Variants in NTM observed in about 807,000 individuals in gnomAD.
The protein encoded by NTM is IgLON family member 2.
A neutral mutation model predicts 42.1 loss-of-function variants in NTM; 13 were observed. That is an observed-to-expected ratio of 0.31 (90% CI 0.20 to 0.49). The LOEUF (loss-of-function observed/expected upper bound fraction) is 0.49. Ranked by LOEUF, NTM falls within the 20% of genes least tolerant of loss-of-function variation. The pLI is 0.99. For synonymous variants in NTM, 187 were observed against 179.2 expected, an observed-to-expected ratio of 1.04 and a Z score of -0.35; for missense variants, 373 against 452.8, an observed-to-expected ratio of 0.82 and a Z score of 1.60.
At chr11:132,231,405 C>T (rs925861345) in intron 4 of NTM, among the ~76,000 whole-genome samples, 2 of 152,152 alleles carry the variant, frequency 1.3e-5, no homozygotes, top group African/African-American at 2.4e-5. Context: ...CATTTAATAG[C>T]GATAGCGAAT....
chr11:131,719,227 CTTG>C (rs2078065105), intron 1 of NTM, among the ~76,000 whole-genome samples: 1 of 152,116 alleles, frequency 6.6e-6, no homozygotes, highest in South Asian at 2.1e-4. Context: ...TTTTGTCTCT[CTTG>C]TTGTTCCTAA....
intron 8 of NTM, among the ~76,000 whole-genome samples, chr11:132,332,939 CAGGG>C (rs1313350873): frequency 1.3e-5 from 2 of 152,096 alleles, no homozygotes; most frequent in Non-Finnish European, 2.9e-5. Context: ...TTCTTAGTCA[CAGGG>C]AGGGAGCGGG....
At chr11:132,177,149 T>C (rs186948637) in intron 3 of NTM, among the ~76,000 whole-genome samples, 10 of 152,308 alleles carry the variant, frequency 6.6e-5, no homozygotes, top group African/African-American at 2.4e-4. Context: ...GTGAAGGTGA[T>C]TATCAGCATT....
chr11:132,004,040 C>A (rs1194120838), intron 2 of NTM, among the ~76,000 whole-genome samples: 2 of 152,098 alleles, frequency 1.3e-5, no homozygotes, highest in Non-Finnish European at 2.9e-5. Flanking sequence ...CCCAGTCAGA[C>A]TAAAGGCTGC....
At chr11:132,319,437 A>G (rs766441050) in intron 7 of NTM, among the ~76,000 whole-genome samples, 3 of 152,210 alleles carry the variant, frequency 2.0e-5, no homozygotes, top group Non-Finnish European at 2.9e-5. Context: ...GTGCTTTTCC[A>G]ACGGGCTTAA....
At chr11:131,818,105 G>A (rs1261915559) in intron 1 of NTM, among the ~76,000 whole-genome samples, 3 of 152,104 alleles carry the variant, frequency 2.0e-5, no homozygotes, top group Non-Finnish European at 4.4e-5. Flanking sequence ...AGTCTGGGAG[G>A]GACAATAGAC....
intron 2 of NTM, among the ~76,000 whole-genome samples, chr11:132,036,869 G>T (rs77529426): frequency 6.6e-6 from 1 of 152,120 alleles, no homozygotes; most frequent in African/African-American, 2.4e-5. Flanking sequence ...TGGACTGAAG[G>T]GCCATGTGTC....
rs1256001454 is a variant in NTM at position 131,784,898 on chromosome 11, A to G, written c.83-126666A>G. ...TCATCAGTGATAACCTAATAAAAAT[A>G]TTTTTATATATTTTTATTGCTCATG... On this transcript the variant is annotated intron_variant, in intron 1 of 8. Coordinates refer to ENST00000683400, the MANE Select transcript of NTM (RefSeq NM_001352005.2). 2.0e-5 allele frequency among the ~76,000 whole-genome samples: 3 copies of G among 152,138 alleles called. No homozygotes were observed. The East Asian group carries it at 5.8e-4, about 29-fold the overall frequency.
At chr11:132,073,863 G>T (rs1329756137) in intron 2 of NTM, among the ~76,000 whole-genome samples, 1 of 152,102 alleles carries the variant, frequency 6.6e-6, no homozygotes, top group Non-Finnish European at 1.5e-5. Context: ...ACCTGTTTGG[G>T]GTTTGCTCCA....
intron 1 of NTM, among the ~76,000 whole-genome samples, chr11:131,851,644 G>A (rs2045572764): frequency 6.6e-6 from 1 of 151,724 alleles, no homozygotes; most frequent in South Asian, 2.1e-4. Context: ...AGAGGGCTTG[G>A]CATCTTTCTT....
At chr11:132,190,749 A>G (rs1384226227) in intron 3 of NTM, among the ~76,000 whole-genome samples, 3 of 151,594 alleles carry the variant, frequency 2.0e-5, no homozygotes, top group East Asian at 3.9e-4. Context: ...AAAAAAAAAA[A>G]AAAAAGAGAC....
intron 1 of NTM, among the ~76,000 whole-genome samples, chr11:131,791,632 T>G (rs1172182227): frequency 6.6e-6 from 1 of 152,228 alleles, no homozygotes; most frequent in Admixed American, 6.5e-5. Context: ...TTTAGAAGAC[T>G]TTTGCAAGGA....
At chr11:131,638,210 C>A (rs1360783507) in intron 1 of NTM, among the ~76,000 whole-genome samples, 5 of 152,112 alleles carry the variant, frequency 3.3e-5, no homozygotes, top group African/African-American at 4.8e-5. Flanking sequence ...TAAGAGAGGG[C>A]AGTCTATAGA....
At chr11:132,144,835 G>C (rs2070006895) in intron 2 of NTM, among the ~76,000 whole-genome samples, 1 of 152,202 alleles carries the variant, frequency 6.6e-6, no homozygotes, top group Non-Finnish European at 1.5e-5. Context: ...TTGGACACCT[G>C]TGCCAAGGTG....
intron 4 of NTM, among the ~76,000 whole-genome samples, chr11:132,267,680 G>A (rs114300395): frequency 0.028 from 4,275 of 151,882 alleles, 187 homozygotes; most frequent in African/African-American, 0.094. Context: ...TCCGGGCATG[G>A]TGGCAGGTGC....
intron 2 of NTM, among the ~76,000 whole-genome samples, chr11:132,043,527 C>T (rs899219192): frequency 6.6e-6 from 1 of 151,464 alleles, no homozygotes; most frequent in Admixed American, 6.6e-5. Context: ...TGCACGTTGG[C>T]CCCACATGGA....
At chr11:132,222,002 C>G (rs1318836808) in intron 4 of NTM, among the ~76,000 whole-genome samples, 1 of 152,164 alleles carries the variant, frequency 6.6e-6, no homozygotes, top group East Asian at 1.9e-4. Context: ...CTTGGGGCAC[C>G]CGGTCTTTGG....
At chr11:132,011,025 A>G (rs573589669) in intron 2 of NTM, among the ~76,000 whole-genome samples, 1 of 151,472 alleles carries the variant, frequency 6.6e-6, no homozygotes, top group Non-Finnish European at 1.5e-5. Context: ...CATTATCACA[A>G]TGTATGCTCT....
intron 1 of NTM, among the ~76,000 whole-genome samples, chr11:131,742,047 G>A (rs1220730032): frequency 6.6e-6 from 1 of 152,168 alleles, no homozygotes; most frequent in Non-Finnish European, 1.5e-5. Flanking sequence ...ACACAGAAGA[G>A]AACAACACAC....
Sources: allele counts gnomAD v4.1 joint callset (sites outside exome capture counted in the v4.1 genomes callset), GRCh38; gene constraint gnomAD v4.1.1; transcripts MANE v1.5; gene names NCBI Gene and HGNC (gene_info 2026-07-23, HGNC 2026-07-21).